Variants in NCALD observed in about 807,000 individuals in gnomAD.
NCALD encodes neurocalcin-delta.
NCALD carries 10 observed loss-of-function variants against 18.6 expected under a neutral mutation model. The ratio of observed to expected loss-of-function variants is 0.54; its 90% CI spans 0.33 to 0.91. The LOEUF (loss-of-function observed/expected upper bound fraction) is 0.91. Ranked by LOEUF, NCALD falls within the 40% of genes least tolerant of loss-of-function variation. NCALD has a pLI of 0.03. For missense variants in NCALD, 184 were observed against 247.6 expected (o/e 0.74, Z 1.72); for synonymous variants, 88 against 87.4 (o/e 1.01, Z -0.04).
intron 4 of NCALD, among the ~76,000 whole-genome samples, chr8:101,829,041 A>T (rs895330232): frequency 1.3e-5 from 2 of 152,078 alleles, no homozygotes; most frequent in Non-Finnish European, 2.9e-5. Context: ...AGGGCATTTA[A>T]TCTAGTCTGA....
At chr8:101,734,934 A>G (rs1817007074) in intron 1 of NCALD, among the ~76,000 whole-genome samples, 1 of 152,220 alleles carries the variant, frequency 6.6e-6, no homozygotes, top group Non-Finnish European at 1.5e-5. Context: ...CAAAGCAGCA[A>G]GAAAATACTG....
intron 1 of NCALD, among the ~76,000 whole-genome samples, chr8:102,029,878 A>G (rs1020366572): frequency 6.6e-6 from 1 of 152,194 alleles, no homozygotes; most frequent in African/African-American, 2.4e-5. Context: ...GATTAATTAT[A>G]TTATTCCTAA....
rs150085112 is a variant in NCALD, at chr8:101,827,471, C to A, written c.-20+59670G>T. Among the ~76,000 whole-genome samples the A allele has an allele frequency of 3.3e-5, 5 of 152,298 alleles. 1 individual carries two copies. The highest frequency in any genetic ancestry group is 3.3e-4 in the Admixed American group (5 of 15,302). Reference sequence around the variant, plus strand: ...GCCACAAGTCCCTGAACAAATAGTACGTGAGATCATGCCTTTTGCTTTGTT... The same window carrying A: ...GCCACAAGTCCCTGAACAAATAGTAAGTGAGATCATGCCTTTTGCTTTGTT... On this transcript the variant is annotated intron_variant, in intron 4 of 6. Coordinates refer to the NCALD transcript ENST00000311028.
At chr8:102,052,923 C>T (rs1010335736) in intron 1 of NCALD, among the ~76,000 whole-genome samples, 1 of 151,998 alleles carries the variant, frequency 6.6e-6, no homozygotes, top group Admixed American at 6.6e-5. Flanking sequence ...TGATTTTTTC[C>T]CCAGCCATTT....
In NCALD at chr8:102,120,567, A is replaced by C. The variant is rs906649701; in HGVS notation, c.-210+3670T>G. On this transcript the variant is annotated intron_variant, in intron 1 of 6. Transcript: ENST00000311028. ...GTGCCGACTCCATGAAAGCAAGCTG[A>C]GAAAAATAGAGAAATGAGGTCCCGC... Among the ~76,000 whole-genome samples the C allele has an allele frequency of 5.0e-4, 76 of 152,228 alleles. 1 individual carries two copies. The highest frequency in any genetic ancestry group is 3.3e-3 in the Admixed American group (51 of 15,286).
At chr8:102,029,059 C>T (rs1185723614) in intron 1 of NCALD, 1 of 151,972 alleles carries the variant, frequency 6.6e-6, no homozygotes, top group African/African-American at 2.4e-5. Flanking sequence ...GGAAGGACTT[C>T]GTGGAGGAGG....
intron 1 of NCALD, among the ~76,000 whole-genome samples, chr8:101,739,262 A>G (rs1810078588): frequency 6.6e-6 from 1 of 151,848 alleles, no homozygotes; most frequent in South Asian, 2.1e-4. Flanking sequence ...CCTTCTCAGT[A>G]GTGTCCTCTC....
In NCALD at chr8:101,689,626, G is replaced by A. The variant is rs1393719500; in HGVS notation, c.485-220C>T. On this transcript the variant is annotated intron_variant, in intron 3 of 3. Coordinates refer to ENST00000220931, the MANE Select transcript of NCALD (RefSeq NM_032041.3). The surrounding 1 kb of genome is among the most constrained non-coding windows in gnomAD (Gnocchi z 4.4). ...ATTGCCAGCACTTAGGACAGTACATGTGGCAATCAAACGCCGCTGCCTGAG... is the reference window on the plus strand; with the variant it reads ...ATTGCCAGCACTTAGGACAGTACATATGGCAATCAAACGCCGCTGCCTGAG... 6.6e-6 allele frequency among the ~76,000 whole-genome samples: 1 copy of A among 152,248 alleles called. No individual in the cohort carries two copies. Among genetic ancestry groups the A allele is most frequent in the East Asian group, 1.9e-4 (1 of 5,198 alleles).
chr8:101,779,883 T>C (rs890386760), intron 1 of NCALD: 2 of 152,166 alleles, frequency 1.3e-5, no homozygotes, highest in African/African-American at 4.8e-5. Flanking sequence ...TGATCTTTAA[T>C]TTTTAATAAA....
chr8:101,769,512 G>A (rs1207228751), intron 1 of NCALD, among the ~76,000 whole-genome samples: 5 of 152,040 alleles, frequency 3.3e-5, no homozygotes, highest in African/African-American at 9.7e-5. Context: ...TAACCTAGGC[G>A]TGCCATCCTC....
At chr8:102,013,659 A>G (rs191554897) in intron 2 of NCALD, among the ~76,000 whole-genome samples, 8 of 151,448 alleles carry the variant, frequency 5.3e-5, no homozygotes, top group Admixed American at 2.0e-4. Context: ...TGAACAAGAT[A>G]TGTTAAAAAA....
rs145630205 is a variant in NCALD at position 101,914,752 on chromosome 8, C to A, written c.-107+1057G>T. Reference sequence around the variant, plus strand: ...TTCTTTTCACATACAACCATCATTGCGGATTTTTATTTTTTGCACTTCTTT... The same window carrying A: ...TTCTTTTCACATACAACCATCATTGAGGATTTTTATTTTTTGCACTTCTTT... On this transcript the variant is annotated intron_variant, in intron 3 of 6. Transcript: ENST00000311028. Among the ~76,000 whole-genome samples, 1,334 of 152,220 alleles carry A rather than the reference C, an allele frequency of 8.8e-3. 8 individuals carry two copies. The highest frequency in any genetic ancestry group is 0.014 in the Non-Finnish European group (929 of 68,004).
chr8:102,017,353 T>C (rs1263649532), intron 2 of NCALD, among the ~76,000 whole-genome samples: 1 of 147,424 alleles, frequency 6.8e-6, no homozygotes, highest in South Asian at 2.1e-4. Context: ...TTAAAATTTC[T>C]AAAAAAAAAA....
At chr8:102,081,942 C>A (rs1261050292) in intron 1 of NCALD, among the ~76,000 whole-genome samples, 5 of 152,126 alleles carry the variant, frequency 3.3e-5, no homozygotes, top group African/African-American at 1.2e-4. Context: ...GTGGCCCCAA[C>A]CTACTGCTTT....
At chr8:102,046,779 C>T (rs1355468591) in intron 1 of NCALD, among the ~76,000 whole-genome samples, 1 of 150,492 alleles carries the variant, frequency 6.6e-6, no homozygotes, top group East Asian at 1.9e-4. Context: ...ATGCCTGGCT[C>T]ACAATGAGTT....
intron 1 of NCALD, among the ~76,000 whole-genome samples, chr8:101,736,102 G>A (rs1479465858): frequency 6.6e-6 from 1 of 152,112 alleles, no homozygotes; most frequent in African/African-American, 2.4e-5. Flanking sequence ...TCCTATGCAG[G>A]AGCCCTCATT....
At chr8:101,905,330 T>C (rs1291999538) in intron 3 of NCALD, among the ~76,000 whole-genome samples, 1 of 151,912 alleles carries the variant, frequency 6.6e-6, no homozygotes, top group Non-Finnish European at 1.5e-5. Flanking sequence ...CCTGGGGGTA[T>C]TTTTTTGACC....
At chr8:101,936,121 G>T (rs1045021470) in intron 2 of NCALD, among the ~76,000 whole-genome samples, 5 of 152,090 alleles carry the variant, frequency 3.3e-5, no homozygotes, top group Non-Finnish European at 7.4e-5. Context: ...TGAGGAGGGG[G>T]TTGGTTTGAG....
chr8:101,894,578 G>C (rs969365714), intron 3 of NCALD, among the ~76,000 whole-genome samples: 8 of 143,666 alleles, frequency 5.6e-5, no homozygotes, highest in Non-Finnish European at 1.0e-4. Flanking sequence ...CCAGGAACTG[G>C]TTTTTTGAAA....
Sources: gnomAD v4.1 joint callset for allele counts (sites outside exome capture counted in the v4.1 genomes callset) on GRCh38, gnomAD v4.1.1 for gene constraint, Gnocchi (gnomAD v3.1) non-coding constraint, MANE v1.5 for transcripts, NCBI Gene and HGNC (gene_info 2026-07-23, HGNC 2026-07-21) for gene names.